The following RAPGEF2 variants were observed in gnomAD, a reference collection of about 807,000 sequenced individuals.
RAPGEF2 encodes the protein Rap guanine nucleotide exchange factor 2.
A neutral mutation model predicts 186.7 loss-of-function variants in RAPGEF2; 54 were observed. The ratio of observed to expected loss-of-function variants is 0.29; its 90% CI spans 0.23 to 0.36. RAPGEF2 has a LOEUF of 0.36. RAPGEF2 is among the 10% of genes least tolerant of loss of function. RAPGEF2 has a pLI of 1.00. For synonymous variants in RAPGEF2, 712 were observed against 705.9 expected (o/e 1.01, Z -0.14); for missense variants, 1,532 against 2,045.0 (o/e 0.75, Z 4.84).
At chr4:159,323,766 T>C (rs1765554888) in intron 11 of RAPGEF2, 149 bp downstream of exon 11, 1 of 402,654 alleles carries the variant, frequency 2.5e-6, no homozygotes, top group African/African-American at 2.1e-5. Context: ...TCAGCCAGGC[T>C]GGAGTGCAGC....
Position 159,241,316 on chromosome 4 carries a change from CTG to C in RAPGEF2, c.476_477del (p.Val159GlyfsTer12). On this transcript the variant is annotated frameshift_variant, in exon 6 of 30. Coordinates refer to ENST00000691494, the MANE Select transcript of RAPGEF2 (RefSeq NM_001394067.2). LOFTEE classifies it high-confidence loss of function. Reference sequence around the variant, plus strand: ...GGTGAAAGACAAACAATTATTGACACTGTGGATCCTTATCCCATGGGCAAACC... The same window carrying C: ...GGTGAAAGACAAACAATTATTGACACTGGATCCTTATCCCATGGGCAAACC... 1 of 1,529,952 alleles carries C rather than the reference CTG, an allele frequency of 6.5e-7. No individual in the cohort carries two copies. Among genetic ancestry groups the C allele is most frequent in the Non-Finnish European group, 8.7e-7 (1 of 1,143,082 alleles). The allele number at this position is 1,529,952 out of a possible 1,614,324, so 94.8% of individuals were successfully genotyped here.
intron 7 of RAPGEF2, among the ~76,000 whole-genome samples, chr4:159,259,567 C>T (rs549741474): frequency 4.6e-5 from 7 of 152,148 alleles, no homozygotes; most frequent in Non-Finnish European, 1.0e-4. Context: ...AAGGGATGAC[C>T]GTGTAACTAG....
At chr4:159,166,087 G>A (rs1277005027) in intron 1 of RAPGEF2, among the ~76,000 whole-genome samples, 1 of 152,060 alleles carries the variant, frequency 6.6e-6, no homozygotes, top group African/African-American at 2.4e-5. Flanking sequence ...TTGGGAGGTG[G>A]GTGGATCACA....
chr4:159,352,515 A>C, intron 26 of RAPGEF2, 170 bp from the exon 27 acceptor site: 1 of 589,732 alleles, frequency 1.7e-6, no homozygotes, highest in Non-Finnish European at 3.0e-6. Flanking sequence ...GCTTCATTAG[A>C]ATAAAACATT....
intron 4 of RAPGEF2, among the ~76,000 whole-genome samples, chr4:159,225,283 G>T (rs1272193525): frequency 6.6e-6 from 1 of 152,120 alleles, no homozygotes; most frequent in Non-Finnish European, 1.5e-5. Flanking sequence ...TTGTCTCATG[G>T]TCTATTTTAG....
At chr4:159,253,960 T>A (rs1466590016) in intron 7 of RAPGEF2, among the ~76,000 whole-genome samples, 1 of 152,156 alleles carries the variant, frequency 6.6e-6, no homozygotes, top group Non-Finnish European at 1.5e-5. Context: ...AAGAAAATGT[T>A]TTTCTGTGAA....
At chr4:159,347,961 C>T (rs1410616337) in intron 25 of RAPGEF2, among the ~76,000 whole-genome samples, 1 of 152,134 alleles carries the variant, frequency 6.6e-6, no homozygotes, top group Non-Finnish European at 1.5e-5. Flanking sequence ...TGTCTCATGC[C>T]TGTAATCCCA....
intron 7 of RAPGEF2, among the ~76,000 whole-genome samples, chr4:159,247,192 A>G (rs937506354): frequency 3.3e-5 from 5 of 152,118 alleles, no homozygotes; most frequent in African/African-American, 4.8e-5. Context: ...CAATATTTTC[A>G]TTTATATATT....
chr4:159,332,391 G>T, intron 16 of RAPGEF2, 60 bp from the exon 17 acceptor site: 1 of 1,523,638 alleles, frequency 6.6e-7, no homozygotes, highest in Non-Finnish European at 9.0e-7. Flanking sequence ...AATTGCCTTA[G>T]AATTGTTCAG....
At chr4:159,131,521 T>TGGTTTTTTTTTTTTTTTTTTTTTTTTTG (rs1553997068) in intron 1 of RAPGEF2, among the ~76,000 whole-genome samples, 1 of 84,134 alleles carries the variant, frequency 1.2e-5, no homozygotes, top group African/African-American at 7.5e-5. Context: ...TAATTGCTAT[T>TGGTTTTTTTTTTTTTTTTTTTTTTTTTG]TTTTTTTTTT....
At chr4:159,295,738 TGTGTGTGTGTGTGTGTGCGC>T (rs1356788297) in intron 7 of RAPGEF2, among the ~76,000 whole-genome samples, 4 of 133,806 alleles carry the variant, frequency 3.0e-5, no homozygotes, top group Non-Finnish European at 4.6e-5. Flanking sequence ...TGTGTGTGTG[TGTGTGTGTGTGTGTGTGCGC>T]GCGCGCGCGC....
At chr4:159,303,660 T>A (rs899767292) in intron 7 of RAPGEF2, among the ~76,000 whole-genome samples, 3 of 151,940 alleles carry the variant, frequency 2.0e-5, no homozygotes, top group African/African-American at 7.3e-5. Context: ...TCTAATGCAT[T>A]TTCTCTGGTA....
intron 1 of RAPGEF2, among the ~76,000 whole-genome samples, chr4:159,162,009 G>A (rs1744762942): frequency 6.6e-6 from 1 of 152,154 alleles, no homozygotes. Context: ...GCAGAATGCA[G>A]CATGCAAACA....
chr4:159,256,282 A>C (rs566713321), intron 7 of RAPGEF2, among the ~76,000 whole-genome samples: 1 of 152,170 alleles, frequency 6.6e-6, no homozygotes, highest in Non-Finnish European at 1.5e-5. Flanking sequence ...TCCCTCTTAA[A>C]AGTGAGAACA....
intron 1 of RAPGEF2, among the ~76,000 whole-genome samples, chr4:159,110,131 G>A (rs1327687377): frequency 6.6e-6 from 1 of 152,184 alleles, no homozygotes; most frequent in Admixed American, 6.5e-5. Flanking sequence ...TTATGGCACA[G>A]GATGATCATG....
At chr4:159,337,946 C>T (rs1579996683) in intron 17 of RAPGEF2, among the ~76,000 whole-genome samples, 2 of 130,378 alleles carry the variant, frequency 1.5e-5, no homozygotes, top group Non-Finnish European at 3.3e-5. Context: ...GAGAAACATA[C>T]TATACACTTA....
At chr4:159,231,985 C>A (rs1013093455) in intron 4 of RAPGEF2, among the ~76,000 whole-genome samples, 1 of 152,170 alleles carries the variant, frequency 6.6e-6, no homozygotes, top group African/African-American at 2.4e-5. Context: ...CATAACTCTT[C>A]CTTGGTTCCT....
intron 3 of RAPGEF2, among the ~76,000 whole-genome samples, chr4:159,199,105 G>GA (rs1439524932): frequency 6.9e-6 from 1 of 145,538 alleles, no homozygotes; most frequent in South Asian, 2.3e-4. Context: ...TAATTTATTT[G>GA]AAAAAATGGC....
intron 7 of RAPGEF2, among the ~76,000 whole-genome samples, chr4:159,260,042 G>GT (rs1367929796): frequency 1.1e-4 from 17 of 152,042 alleles, no homozygotes; most frequent in African/African-American, 3.9e-4. Flanking sequence ...CAGTTGCCCA[G>GT]GCTAGAGTGC....
Sources: gnomAD v4.1 joint callset for allele counts (sites outside exome capture counted in the v4.1 genomes callset) on GRCh38, gnomAD v4.1.1 for gene constraint, MANE v1.5 for transcripts, NCBI Gene and HGNC (gene_info 2026-07-23, HGNC 2026-07-21) for gene names.